Variants in GPC6 observed in about 807,000 individuals in gnomAD.
GPC6 encodes the protein glypican-6.
In GPC6, 14 loss-of-function variants were observed where a neutral mutation model predicts 55.2. The observed-to-expected ratio is 0.25, with a 90% CI of 0.17 to 0.40. The LOEUF is 0.40. Ranked by LOEUF, GPC6 falls within the 10% of genes least tolerant of loss-of-function variation. GPC6 has a pLI of 1.00. For synonymous variants in GPC6, 278 were observed against 259.6 expected, an observed-to-expected ratio of 1.07 and a Z score of -0.68; for missense variants, 641 against 708.5, an observed-to-expected ratio of 0.90 and a Z score of 1.08.
chr13:94,158,219 C>T (rs1366240295), intron 4 of GPC6, among the ~76,000 whole-genome samples: 4 of 152,194 alleles, frequency 2.6e-5, no homozygotes, highest in African/African-American at 9.6e-5. Context: ...AGAGCCTTTT[C>T]AGTGCTACAA....
rs547463388 is a variant in GPC6 at position 93,939,786 on chromosome 13, C to CT, written c.712-87935dup. On this transcript the variant is annotated intron_variant, in intron 3 of 8. Transcript: ENST00000377047. Reference sequence around the variant, plus strand: ...ATTTTAAGGGCACTAAACACTCTTTCTTTTTTTTAAATAACTATTTAATGA... The same window carrying CT: ...ATTTTAAGGGCACTAAACACTCTTTCTTTTTTTTTAAATAACTATTTAATGA... Among the ~76,000 whole-genome samples, 319 of 151,982 alleles carry CT rather than the reference C, an allele frequency of 2.1e-3. 1 individual carries two copies. Among genetic ancestry groups the CT allele is most frequent in the African/African-American group, 7.4e-3 (306 of 41,470 alleles).
intron 2 of GPC6, among the ~76,000 whole-genome samples, chr13:93,826,757 T>C (rs893034941): frequency 1.3e-5 from 2 of 152,186 alleles, no homozygotes; most frequent in African/African-American, 4.8e-5. Context: ...GGAGGCTTCA[T>C]TTGGAGCCTT....
At chr13:94,024,132 C>T (rs1375337846) in intron 3 of GPC6, among the ~76,000 whole-genome samples, 3 of 151,492 alleles carry the variant, frequency 2.0e-5, no homozygotes, top group Non-Finnish European at 4.4e-5. Context: ...CACACACACA[C>T]ACAAGTGAAT....
chr13:94,211,834 T>C (rs1890088271), intron 4 of GPC6, among the ~76,000 whole-genome samples: 1 of 152,162 alleles, frequency 6.6e-6, no homozygotes. Context: ...CAATTTACAA[T>C]GGGGAGAAGA....
At chr13:93,891,033 C>T (rs1350884673) in intron 3 of GPC6, among the ~76,000 whole-genome samples, 1 of 151,952 alleles carries the variant, frequency 6.6e-6, no homozygotes, top group Non-Finnish European at 1.5e-5. Context: ...ATGAACCTAT[C>T]AGTGGAAATA....
At chr13:93,964,776 T>A (rs1405209808) in intron 3 of GPC6, among the ~76,000 whole-genome samples, 1 of 152,198 alleles carries the variant, frequency 6.6e-6, no homozygotes, top group Non-Finnish European at 1.5e-5. Context: ...GTGACTGGCG[T>A]TGTTATCATA....
At chr13:93,702,326 G>T (rs1882698832) in intron 2 of GPC6, among the ~76,000 whole-genome samples, 1 of 151,950 alleles carries the variant, frequency 6.6e-6, no homozygotes, top group African/African-American at 2.4e-5. Flanking sequence ...TCAACAGTGG[G>T]CTTAAAATAT....
intron 3 of GPC6, among the ~76,000 whole-genome samples, chr13:93,845,972 T>C (rs1309404694): frequency 2.0e-5 from 3 of 151,520 alleles, no homozygotes; most frequent in South Asian, 2.1e-4. Context: ...ACCCTAAAAC[T>C]TAAAGTATAA....
chr13:94,225,282 T>C (rs554028546), intron 4 of GPC6, among the ~76,000 whole-genome samples: 1 of 152,272 alleles, frequency 6.6e-6, no homozygotes, highest in Non-Finnish European at 1.5e-5. Flanking sequence ...AGTTATGCAT[T>C]TGTGAACTGC....
At chr13:94,306,189 C>G in intron 6 of GPC6, 66 bp downstream of exon 6, 1 of 1,564,364 alleles carries the variant, frequency 6.4e-7, no homozygotes, top group Non-Finnish European at 8.8e-7. Flanking sequence ...CTTTGAAACT[C>G]CCAGGAGATT....
chr13:94,106,262 A>G (rs760276562), intron 4 of GPC6, among the ~76,000 whole-genome samples: 1 of 152,240 alleles, frequency 6.6e-6, no homozygotes, highest in Admixed American at 6.5e-5. Context: ...AGAAATCACA[A>G]TGTGTAAGGT....
At chr13:93,741,117 C>CTTTTTTTTT (rs772541106) in intron 2 of GPC6, among the ~76,000 whole-genome samples, 2 of 77,184 alleles carry the variant, frequency 2.6e-5, no homozygotes, top group Non-Finnish European at 4.7e-5. Context: ...CATCCAGAAT[C>CTTTTTTTTT]TTTTTTTTTT....
intron 1 of GPC6, among the ~76,000 whole-genome samples, chr13:93,350,875 T>G (rs1013898810): frequency 1.3e-5 from 2 of 152,170 alleles, no homozygotes; most frequent in Non-Finnish European, 2.9e-5. Context: ...GAGTTTTGTT[T>G]TATATATTCT....
At chr13:93,995,060 AT>A (rs1186548043) in intron 3 of GPC6, among the ~76,000 whole-genome samples, 1 of 152,074 alleles carries the variant, frequency 6.6e-6, no homozygotes, top group Non-Finnish European at 1.5e-5. Flanking sequence ...ATTTTTACTT[AT>A]TTTTTAAAGT....
intron 2 of GPC6, among the ~76,000 whole-genome samples, chr13:93,780,367 T>C (rs554567997): frequency 2.6e-5 from 4 of 152,156 alleles, no homozygotes; most frequent in African/African-American, 9.7e-5. Flanking sequence ...CTATTTGCTA[T>C]TGTAAACAAT....
the GPC6 span, among the ~76,000 whole-genome samples, chr13:93,220,764 T>C: frequency 6.6e-6 from 1 of 152,230 alleles, no homozygotes; most frequent in Non-Finnish European, 1.5e-5. Flanking sequence ...AAATATTTGG[T>C]TACTCAATAT....
chr13:93,517,422 A>T (rs1881245968), intron 1 of GPC6, among the ~76,000 whole-genome samples: 1 of 152,070 alleles, frequency 6.6e-6, no homozygotes, highest in African/African-American at 2.4e-5. Flanking sequence ...TAATTGCTTT[A>T]ATTCTTGAAG....
At chr13:93,383,343 C>T (rs1263925600) in intron 1 of GPC6, among the ~76,000 whole-genome samples, 3 of 152,098 alleles carry the variant, frequency 2.0e-5, no homozygotes, top group Admixed American at 6.6e-5. Flanking sequence ...TCCGGAGTAG[C>T]TGGGACAGCA....
intron 6 of GPC6, among the ~76,000 whole-genome samples, chr13:94,375,904 C>G (rs1470088470): frequency 4.7e-5 from 1 of 21,400 alleles, no homozygotes; most frequent in Non-Finnish European, 8.9e-5. Flanking sequence ...ATACGCAAAT[C>G]AATAAATGTA....
Sources: allele counts gnomAD v4.1 joint callset (sites outside exome capture counted in the v4.1 genomes callset), GRCh38; gene constraint gnomAD v4.1.1; transcripts MANE v1.5; gene names NCBI Gene and HGNC (gene_info 2026-07-23, HGNC 2026-07-21).